The following BAIAP2L1 variants were observed in gnomAD, a reference collection of about 807,000 sequenced individuals.
BAIAP2L1 encodes BAR/IMD domain-containing adapter protein 2-like 1.
A neutral mutation model predicts 66.3 loss-of-function variants in BAIAP2L1; 35 were observed. The observed-to-expected ratio is 0.53, with a 90% confidence interval of 0.40 to 0.70. BAIAP2L1 has a LOEUF of 0.70. Ranked by LOEUF, BAIAP2L1 falls within the 30% of genes least tolerant of loss-of-function variation. The pLI is 0.00. For synonymous variants in BAIAP2L1, 269 were observed against 248.7 expected (o/e 1.08, Z -0.77); for missense variants, 622 against 656.9 (o/e 0.95, Z 0.58).
At chr7:98,362,663 G>A (rs1802298175) in intron 1 of BAIAP2L1, among the ~76,000 whole-genome samples, 1 of 152,126 alleles carries the variant, frequency 6.6e-6, no homozygotes, top group Non-Finnish European at 1.5e-5. Flanking sequence ...TGCCCAAGAG[G>A]CTGCCTGGAA....
rs796398017 is a variant in BAIAP2L1 at position 98,335,175 on chromosome 7, A to G, written c.215-14877T>C. On this transcript the variant is annotated intron_variant, in intron 3 of 13. Coordinates refer to ENST00000005260, the MANE Select transcript of BAIAP2L1 (RefSeq NM_018842.5). ...CTCAAAAAAAAAAAAAAAAAAAAAA[A>G]AAAATTTATCTCCCATGATCCTCTC... Among the ~76,000 whole-genome samples, 139 of 139,604 alleles carry G rather than the reference A, an allele frequency of 1.0e-3. 1 individual carries two copies. The highest frequency in any genetic ancestry group is 3.5e-3 in the African/African-American group (127 of 36,212). 91.6% of individuals were successfully genotyped at this position (139,604 alleles called of 152,430 possible).
chr7:98,322,297 G>A (rs2116909827), intron 3 of BAIAP2L1, among the ~76,000 whole-genome samples: 1 of 152,250 alleles, frequency 6.6e-6, no homozygotes. Context: ...TGGCCACCCA[G>A]GCTTCCCTTG....
chr7:98,351,667 TG>T (rs1362609501), intron 3 of BAIAP2L1, among the ~76,000 whole-genome samples: 21 of 152,288 alleles, frequency 1.4e-4, no homozygotes, highest in African/African-American at 4.6e-4. Flanking sequence ...AGAAGGAACC[TG>T]GGTCCCTAGT....
At chr7:98,395,801 C>T (rs1252756820) in intron 1 of BAIAP2L1, among the ~76,000 whole-genome samples, 7 of 151,966 alleles carry the variant, frequency 4.6e-5, no homozygotes, top group African/African-American at 1.2e-4. Flanking sequence ...GAAGCCGAGG[C>T]AGGCAGATTA....
intron 3 of BAIAP2L1, among the ~76,000 whole-genome samples, chr7:98,345,026 T>G (rs1004295041): frequency 2.6e-5 from 4 of 152,192 alleles, no homozygotes; most frequent in African/African-American, 9.7e-5. Flanking sequence ...CATTTCCTGG[T>G]GATTTCCAAT....
At chr7:98,357,037 ATATATATATATATTTTTTT>A (rs1473842810) in intron 2 of BAIAP2L1, among the ~76,000 whole-genome samples, 9 of 16,962 alleles carry the variant, frequency 5.3e-4, no homozygotes, top group African/African-American at 2.0e-3. Context: ...ATATATATAT[ATATATATATATATTTTTTT>A]TTTTTTTTTT....
At chr7:98,324,328 A>G (rs2116914832) in intron 3 of BAIAP2L1, among the ~76,000 whole-genome samples, 1 of 152,384 alleles carries the variant, frequency 6.6e-6, no homozygotes. Flanking sequence ...TAATTCACAC[A>G]GAGTGTTAGA....
At chr7:98,353,805 C>CA (rs1193094434) in intron 3 of BAIAP2L1, among the ~76,000 whole-genome samples, 2 of 148,898 alleles carry the variant, frequency 1.3e-5, no homozygotes, top group South Asian at 2.1e-4. Context: ...ACTAAAAATA[C>CA]AAAAAAATTA....
chr7:98,381,757 G>A (rs1018072597), intron 1 of BAIAP2L1, among the ~76,000 whole-genome samples: 3 of 152,092 alleles, frequency 2.0e-5, no homozygotes, highest in Non-Finnish European at 4.4e-5. Flanking sequence ...TAGGCAGCAA[G>A]AATTATTCTG....
intron 3 of BAIAP2L1, among the ~76,000 whole-genome samples, chr7:98,326,673 G>T (rs1584459149): frequency 6.6e-6 from 1 of 152,154 alleles, no homozygotes; most frequent in Non-Finnish European, 1.5e-5. Context: ...GACAGCTCTT[G>T]CTAGAAGTAG....
intron 3 of BAIAP2L1, among the ~76,000 whole-genome samples, chr7:98,350,557 G>A (rs1228147210): frequency 6.6e-6 from 1 of 152,150 alleles, no homozygotes. Flanking sequence ...TACTCAGGAG[G>A]CTGAGGCAGG....
chr7:98,374,453 CCAG>C (rs569440612), intron 1 of BAIAP2L1, among the ~76,000 whole-genome samples: 1 of 152,138 alleles, frequency 6.6e-6, no homozygotes, highest in Non-Finnish European at 1.5e-5. Context: ...GAAGGTCCTA[CCAG>C]CAGCGAGAGG....
At chr7:98,368,796 T>A (rs535677828) in intron 1 of BAIAP2L1, among the ~76,000 whole-genome samples, 14 of 150,586 alleles carry the variant, frequency 9.3e-5, no homozygotes, top group Non-Finnish European at 1.6e-4. Context: ...ATGTAGTTTA[T>A]CACTTTTTAT....
chr7:98,327,679 A>T (rs1003167899), intron 3 of BAIAP2L1, among the ~76,000 whole-genome samples: 4 of 152,236 alleles, frequency 2.6e-5, no homozygotes, highest in Non-Finnish European at 5.9e-5. Flanking sequence ...GTCTCAAAAA[A>T]AAAAGAAAAG....
At chr7:98,331,258 A>C (rs1801488557) in intron 3 of BAIAP2L1, among the ~76,000 whole-genome samples, 1 of 152,166 alleles carries the variant, frequency 6.6e-6, no homozygotes. Context: ...AAAAGGTATA[A>C]ATAGCCACAA....
intron 1 of BAIAP2L1, among the ~76,000 whole-genome samples, chr7:98,365,622 G>A (rs903482176): frequency 6.6e-6 from 1 of 152,078 alleles, no homozygotes; most frequent in African/African-American, 2.4e-5. Flanking sequence ...TGGATCACAG[G>A]CATGCGCCAC....
intron 1 of BAIAP2L1, among the ~76,000 whole-genome samples, chr7:98,373,390 T>G (rs927798346): frequency 6.6e-6 from 1 of 152,208 alleles, no homozygotes; most frequent in African/African-American, 2.4e-5. Flanking sequence ...TGGTTACCTA[T>G]TGGTCTATAT....
intron 3 of BAIAP2L1, among the ~76,000 whole-genome samples, chr7:98,329,297 G>A (rs1036244963): frequency 3.9e-5 from 6 of 152,212 alleles, no homozygotes; most frequent in Non-Finnish European, 8.8e-5. Context: ...ACAGGCTGAC[G>A]CAGAGACTCA....
At chr7:98,353,354 T>TA (rs1341047206) in intron 3 of BAIAP2L1, among the ~76,000 whole-genome samples, 3 of 139,028 alleles carry the variant, frequency 2.2e-5, no homozygotes, top group Non-Finnish European at 3.0e-5. Flanking sequence ...TATTTATATA[T>TA]TTATATATAT....
Sources: allele counts gnomAD v4.1 joint callset (sites outside exome capture counted in the v4.1 genomes callset), GRCh38; gene constraint gnomAD v4.1.1; transcripts MANE v1.5; gene names NCBI Gene and HGNC (gene_info 2026-07-23, HGNC 2026-07-21).